AP3B1: variants seen among roughly 807,000 people sequenced by gnomAD.
AP3B1 encodes adaptor related protein complex 3 subunit beta 1, also known as AP-3 complex subunit beta-1.
Under a neutral mutation model 132.5 loss-of-function variants are expected in AP3B1, and 61 were observed. That is an observed-to-expected ratio of 0.46 (90% confidence interval 0.37 to 0.57). The LOEUF (loss-of-function observed/expected upper bound fraction) is 0.57. Among genes scored for constraint, AP3B1 ranks in the 20% least tolerant of loss-of-function variants. The pLI is 0.00. For synonymous variants in AP3B1, 388 were observed against 438.3 expected, an observed-to-expected ratio of 0.89 and a Z score of 1.43; for missense variants, 1,120 against 1,289.4, an observed-to-expected ratio of 0.87 and a Z score of 2.01.
intron 7 of AP3B1, among the ~76,000 whole-genome samples, chr5:78,193,833 T>TCTG (rs1744971108): frequency 6.8e-6 from 1 of 148,056 alleles, no homozygotes. Flanking sequence ...GTGATCTCGC[T>TCTG]CACTGCAAGC....
rs79826264 is a variant in AP3B1, at chr5:78,008,480, C to T, written c.3132-5425G>A. Reference sequence around the variant, plus strand: ...TTCTGTGTGAAAATTAACTGAGGTCCGCATTTGTTTGTCAATGAACTGATG... The same window carrying T: ...TTCTGTGTGAAAATTAACTGAGGTCTGCATTTGTTTGTCAATGAACTGATG... On this transcript the variant is annotated intron_variant, in intron 26 of 26. Coordinates refer to ENST00000255194, the MANE Select transcript of AP3B1 (RefSeq NM_003664.5). Among the ~76,000 whole-genome samples, 392 of 152,212 alleles carry T rather than the reference C, an allele frequency of 2.6e-3. 2 individuals are homozygous for T. Among genetic ancestry groups the T allele is most frequent in the African/African-American group, 8.1e-3 (338 of 41,534 alleles).
intron 7 of AP3B1, among the ~76,000 whole-genome samples, chr5:78,188,116 A>G (rs1036141701): frequency 2.6e-5 from 4 of 152,350 alleles, no homozygotes; most frequent in Non-Finnish European, 4.4e-5. Flanking sequence ...GTAAAACCCA[A>G]AACTATAAAA....
At chr5:78,004,377 G>A (rs1418480185) in intron 26 of AP3B1, among the ~76,000 whole-genome samples, 1 of 152,146 alleles carries the variant, frequency 6.6e-6, no homozygotes, top group African/African-American at 2.4e-5. Flanking sequence ...AAAAGAGGGA[G>A]TTTATCAGGA....
chr5:78,012,237 A>G (rs891272188), intron 26 of AP3B1, among the ~76,000 whole-genome samples: 51 of 151,966 alleles, frequency 3.4e-4, no homozygotes, highest in Admixed American at 2.2e-3. Context: ...CACTATAGTT[A>G]AAAACATTTA....
At chr5:78,236,929 A>T (rs1746902887) in intron 3 of AP3B1, among the ~76,000 whole-genome samples, 1 of 152,230 alleles carries the variant, frequency 6.6e-6, no homozygotes, top group Non-Finnish European at 1.5e-5. Flanking sequence ...ATCAATTCAG[A>T]ATTATATATA....
chr5:78,253,423 AAAGATAAGCATAAACAAGCCC>A (rs1327842950), intron 2 of AP3B1, among the ~76,000 whole-genome samples: 8 of 152,348 alleles, frequency 5.3e-5, no homozygotes, highest in Admixed American at 1.3e-4. Flanking sequence ...CCTTCCCAAG[AAAGATAAGCATAAACAAGCCC>A]AGGCAGTGAT....
chr5:78,274,436 G>T (rs904891788), intron 1 of AP3B1, among the ~76,000 whole-genome samples: 1 of 151,406 alleles, frequency 6.6e-6, no homozygotes, highest in Non-Finnish European at 1.5e-5. Context: ...TCTAATTAGA[G>T]TTCCAAAGAG....
At chr5:78,130,801 GTCCATTTGAGTGCTGAGATTTTAAA>G (rs937771207) in intron 15 of AP3B1, among the ~76,000 whole-genome samples, 1 of 151,978 alleles carries the variant, frequency 6.6e-6, no homozygotes, top group African/African-American at 2.4e-5. Context: ...TAACTCTAAA[GTCCATTTGAGTGCTGAGATTTTAAA>G]TCTGCAACTA....
At chr5:78,035,031 G>T (rs1426933371) in intron 23 of AP3B1, among the ~76,000 whole-genome samples, 1 of 151,786 alleles carries the variant, frequency 6.6e-6, no homozygotes, top group Non-Finnish European at 1.5e-5. Context: ...AAAATTTGTG[G>T]CAGATTAGAT....
intron 1 of AP3B1, among the ~76,000 whole-genome samples, chr5:78,279,644 C>A (rs909078314): frequency 1.3e-5 from 2 of 151,920 alleles, no homozygotes; most frequent in African/African-American, 4.8e-5. Context: ...CACTGTGACT[C>A]ATGCCTGCAA....
chr5:78,122,412 T>G (rs1024450623), intron 17 of AP3B1, among the ~76,000 whole-genome samples: 1 of 152,234 alleles, frequency 6.6e-6, no homozygotes, highest in Admixed American at 6.5e-5. Context: ...AAATTGTCCC[T>G]GTTTGCACAT....
intron 8 of AP3B1, among the ~76,000 whole-genome samples, chr5:78,180,217 A>G (rs1173522136): frequency 6.6e-6 from 1 of 152,110 alleles, no homozygotes; most frequent in East Asian, 1.9e-4. Flanking sequence ...GTATTAGACA[A>G]AAATTGTTGT....
intron 23 of AP3B1, among the ~76,000 whole-genome samples, chr5:78,035,409 T>C (rs1181745698): frequency 6.6e-6 from 1 of 152,080 alleles, no homozygotes; most frequent in East Asian, 1.9e-4. Flanking sequence ...TCACACGTAG[T>C]TATATTTTAG....
chr5:78,202,283 T>C (rs1277195438), intron 7 of AP3B1, among the ~76,000 whole-genome samples: 1 of 152,172 alleles, frequency 6.6e-6, no homozygotes, highest in Non-Finnish European at 1.5e-5. Context: ...GATGTCTTTA[T>C]TGGCAGCATG....
intron 7 of AP3B1, among the ~76,000 whole-genome samples, chr5:78,188,529 G>C (rs1325887113): frequency 6.6e-6 from 1 of 152,142 alleles, no homozygotes; most frequent in African/African-American, 2.4e-5. Flanking sequence ...ACCACAATTA[G>C]ATATCATTTC....
intron 26 of AP3B1, among the ~76,000 whole-genome samples, chr5:78,009,095 C>T (rs1176677804): frequency 2.6e-5 from 4 of 152,036 alleles, no homozygotes; most frequent in Non-Finnish European, 5.9e-5. Flanking sequence ...CAGTATTTCC[C>T]CTATTAACAA....
chr5:78,231,808 T>A (rs918614518), intron 3 of AP3B1, among the ~76,000 whole-genome samples: 1 of 152,258 alleles, frequency 6.6e-6, no homozygotes. Flanking sequence ...ATGTCTTACA[T>A]AAATTAACTC....
intron 22 of AP3B1, among the ~76,000 whole-genome samples, chr5:78,057,508 C>G (rs1748864867): frequency 2.0e-5 from 3 of 152,048 alleles, no homozygotes; most frequent in African/African-American, 7.2e-5. Flanking sequence ...AAAAGTGTCC[C>G]TTCATTTTAA....
Position 78,129,432 on chromosome 5 carries a change from G to T in AP3B1, c.1651-125C>A, listed in dbSNP as rs966106954. The T allele has an allele frequency of 5.9e-6, 5 of 845,516 alleles. No homozygotes were observed. In the Admixed American group the frequency reaches 1.0e-4, roughly 17 times the overall value. 52.4% of individuals were successfully genotyped at this position (845,516 alleles called of 1,614,324 possible). On this transcript the variant is annotated intron_variant, in intron 15 of 26. Coordinates refer to ENST00000255194, the MANE Select transcript of AP3B1 (RefSeq NM_003664.5). Reference sequence around the variant, plus strand: ...TGTCAAACAAATGTTGTTCCATAGGGAATACACATTTCTAATGCTGCAAAT... The same window carrying T: ...TGTCAAACAAATGTTGTTCCATAGGTAATACACATTTCTAATGCTGCAAAT...
Sources: gnomAD v4.1 joint callset for allele counts (sites outside exome capture counted in the v4.1 genomes callset) on GRCh38, gnomAD v4.1.1 for gene constraint, MANE v1.5 for transcripts, NCBI Gene and HGNC (gene_info 2026-07-23, HGNC 2026-07-21) for gene names.